Variants in KIF5C observed in about 807,000 individuals in gnomAD.
KIF5C encodes the protein kinesin heavy chain isoform 5C.
Under a neutral mutation model 125.2 loss-of-function variants are expected in KIF5C, and 18 were observed. The observed-to-expected ratio is 0.14, with a 90% CI of 0.10 to 0.21. The LOEUF is 0.21. KIF5C is among the 10% of genes least tolerant of loss of function. The probability of loss-of-function intolerance (pLI) is 1.00; values close to 1 mark genes in which losing one functional copy is unlikely to be tolerated. For synonymous variants in KIF5C, 405 were observed against 434.0 expected (o/e 0.93, Z 0.83); for missense variants, 780 against 1,183.8 (o/e 0.66, Z 5.01).
At chr2:148,895,223 C>T (rs1021642288) in intron 1 of KIF5C, among the ~76,000 whole-genome samples, 7 of 152,040 alleles carry the variant, frequency 4.6e-5, no homozygotes, top group South Asian at 2.1e-4. Flanking sequence ...TTGCAACCTC[C>T]GCCTCCCGGG....
At chr2:148,903,988 T>G (rs1423118561) in intron 1 of KIF5C, among the ~76,000 whole-genome samples, 3 of 152,240 alleles carry the variant, frequency 2.0e-5, no homozygotes, top group South Asian at 2.1e-4. Context: ...TGAGCCACTC[T>G]ACTGCTACTC....
intron 5 of KIF5C, 126 bp from the exon 6 acceptor site, chr2:148,941,809 C>T: frequency 6.9e-7 from 1 of 1,455,994 alleles, no homozygotes; most frequent in East Asian, 2.4e-5. Context: ...TCAGCCAAGG[C>T]TTAAACTTGC....
intron 10 of KIF5C, among the ~76,000 whole-genome samples, chr2:148,957,629 A>G (rs1296080895): frequency 4.0e-5 from 6 of 149,104 alleles, no homozygotes; most frequent in Non-Finnish European, 7.4e-5. Flanking sequence ...AATAAACCTC[A>G]GGGCACAAAA....
chr2:149,020,873 C>T (rs1049936200), intron 25 of KIF5C, among the ~76,000 whole-genome samples: 1 of 152,092 alleles, frequency 6.6e-6, no homozygotes, highest in Admixed American at 6.5e-5. Flanking sequence ...GGCAATAAGC[C>T]CAAAATTTCA....
chr2:148,914,054 C>T (rs780092800), intron 1 of KIF5C, among the ~76,000 whole-genome samples: 36 of 152,150 alleles, frequency 2.4e-4, no homozygotes, highest in African/African-American at 4.6e-4. Flanking sequence ...CATTCCTTAC[C>T]GCTCATTATT....
At chr2:148,971,457 C>G (rs1330583074) in intron 11 of KIF5C, among the ~76,000 whole-genome samples, 2 of 152,084 alleles carry the variant, frequency 1.3e-5, no homozygotes, top group Non-Finnish European at 2.9e-5. Context: ...AGTCTGCACA[C>G]TAAGGTTGTT....
intron 12 of KIF5C, among the ~76,000 whole-genome samples, chr2:148,976,836 C>T (rs1389616962): frequency 1.3e-5 from 2 of 152,130 alleles, no homozygotes; most frequent in Non-Finnish European, 2.9e-5. Flanking sequence ...CTGCCTTGGC[C>T]TCCCAAAGTG....
chr2:148,924,316 T>G lies in KIF5C; in HGVS notation c.217+2089T>G, dbSNP rs1681906775. On this transcript the variant is annotated intron_variant, in intron 2 of 25. Transcript: ENST00000435030. The surrounding 1 kb of genome is among the most constrained non-coding windows in gnomAD (Gnocchi z 4.0). ...TCTAGAGGCTAATAATTAAATCAGA[T>G]GATTTCCGAAGAGCACCATAGTCCC... 6.6e-6 allele frequency among the ~76,000 whole-genome samples: 1 copy of G among 152,080 alleles called. No homozygotes were observed. Among genetic ancestry groups the G allele is most frequent in the Non-Finnish European group, 1.5e-5 (1 of 68,016 alleles).
chr2:148,927,512 A>G (rs570355700), intron 2 of KIF5C, among the ~76,000 whole-genome samples: 1 of 143,744 alleles, frequency 7.0e-6, no homozygotes, highest in South Asian at 2.2e-4. Flanking sequence ...GTGTGTGTGT[A>G]TAGGGGGGAT....
chr2:148,910,911 G>C (rs1681308536), intron 1 of KIF5C, among the ~76,000 whole-genome samples: 1 of 152,202 alleles, frequency 6.6e-6, no homozygotes, highest in African/African-American at 2.4e-5. Flanking sequence ...GCATGATGGT[G>C]GTGAGGGACA....
intron 7 of KIF5C, among the ~76,000 whole-genome samples, chr2:148,943,066 G>A (rs897524071): frequency 5.3e-5 from 8 of 151,932 alleles, no homozygotes; most frequent in African/African-American, 1.7e-4. Context: ...CCAAAGGGAG[G>A]GAAAGAGTAA....
intron 9 of KIF5C, 48 bp from the exon 10 acceptor site, chr2:148,950,266 T>C (rs761063404): frequency 1.3e-6 from 2 of 1,590,268 alleles, no homozygotes; most frequent in South Asian, 2.3e-5. Flanking sequence ...CTCTGTGTTT[T>C]TCTCAGAATG....
In KIF5C at chr2:148,981,383, A is replaced by G; in HGVS notation, c.1391A>G (p.Glu464Gly). The change falls in exon 14 of 26, where the codon GAG becomes GGG. Residue 464 changes from glutamate (E) to glycine (G), a missense_variant. Glu to Gly is a moderately conservative substitution (Grantham distance 98, BLOSUM62 -2). Coordinates refer to ENST00000435030, the MANE Select transcript of KIF5C (RefSeq NM_004522.3). Reference sequence around the variant, plus strand: ...TTAGCTTCCACAAGAAGAGACTATGAGAAGATACAGGAGGAGCTGACACGT... The same window carrying G: ...TTAGCTTCCACAAGAAGAGACTATGGGAAGATACAGGAGGAGCTGACACGT... Reference protein sequence around the residue: ...ELLASTRRDYEKIQEELTRLQ... With the variant: ...ELLASTRRDYGKIQEELTRLQ... 1.2e-6 allele frequency: 2 copies of G among 1,611,320 alleles called. No homozygotes were observed. The highest frequency in any genetic ancestry group is 1.7e-6 in the Non-Finnish European group (2 of 1,178,870).
intron 10 of KIF5C, among the ~76,000 whole-genome samples, chr2:148,956,495 G>A (rs1019708509): frequency 7.9e-5 from 12 of 152,116 alleles, no homozygotes; most frequent in African/African-American, 2.9e-4. Flanking sequence ...TAGCTTTGAG[G>A]TCTTTAAAAA....
At chr2:148,999,996 T>G (rs528472719) in intron 19 of KIF5C, 75 of 157,754 alleles carry the variant, frequency 4.8e-4, no homozygotes, top group Non-Finnish European at 8.6e-4. Flanking sequence ...CATTCGGACT[T>G]GGGAGATGTT....
chr2:148,989,337 TACACAC>T (rs59582798), intron 15 of KIF5C, among the ~76,000 whole-genome samples: 2,009 of 147,918 alleles, frequency 0.014, 38 homozygotes, highest in African/African-American at 0.044. Flanking sequence ...TCCATGATTT[TACACAC>T]ACACACACAC....
chr2:148,944,102 T>C (rs1682469504), intron 7 of KIF5C, among the ~76,000 whole-genome samples: 1 of 152,198 alleles, frequency 6.6e-6, no homozygotes, highest in Non-Finnish European at 1.5e-5. Context: ...TTGGAACTGC[T>C]AATCTAAAAA....
At chr2:148,925,040 T>A (rs984233846) in intron 2 of KIF5C, among the ~76,000 whole-genome samples, 1 of 152,160 alleles carries the variant, frequency 6.6e-6, no homozygotes, top group Admixed American at 6.5e-5. Flanking sequence ...AAAGGGTGTA[T>A]GCAAAATGCC....
At chr2:148,969,818 C>T (rs994305768) in intron 11 of KIF5C, among the ~76,000 whole-genome samples, 1 of 152,094 alleles carries the variant, frequency 6.6e-6, no homozygotes, top group Admixed American at 6.6e-5. Flanking sequence ...TCAGGTCTTG[C>T]CTAGTGTTGG....
Sources: gnomAD v4.1 joint callset for allele counts (sites outside exome capture counted in the v4.1 genomes callset) on GRCh38, gnomAD v4.1.1 for gene constraint, Gnocchi (gnomAD v3.1) non-coding constraint, MANE v1.5 for transcripts, NCBI Gene and HGNC (gene_info 2026-07-23, HGNC 2026-07-21) for gene names.